Variants in NTNG1 observed in about 807,000 individuals in gnomAD.
NTNG1 encodes netrin-G1.
NTNG1 carries 16 observed loss-of-function variants against 54.0 expected under a neutral mutation model. The ratio of observed to expected loss-of-function variants is 0.30; its 90% CI spans 0.20 to 0.45. NTNG1 has a LOEUF of 0.45. NTNG1 is among the 20% of genes least tolerant of loss of function. NTNG1 has a pLI of 1.00. For missense variants in NTNG1, 530 were observed against 678.7 expected (o/e 0.78, Z 2.43); for synonymous variants, 255 against 263.1 (o/e 0.97, Z 0.30).
At chr1:107,207,353 G>A (rs1283245247) in intron 2 of NTNG1, among the ~76,000 whole-genome samples, 1 of 152,152 alleles carries the variant, frequency 6.6e-6, no homozygotes, top group Non-Finnish European at 1.5e-5. Flanking sequence ...ACTTTATGCA[G>A]TAGGTACACA....
At chr1:107,429,667 C>T (rs920952386) in intron 5 of NTNG1, among the ~76,000 whole-genome samples, 2 of 152,144 alleles carry the variant, frequency 1.3e-5, no homozygotes, top group Non-Finnish European at 2.9e-5. Context: ...AGTATCCTGG[C>T]TGACCTTCCT....
At chr1:107,169,198 A>G (rs1656035749) in intron 2 of NTNG1, among the ~76,000 whole-genome samples, 1 of 152,164 alleles carries the variant, frequency 6.6e-6, no homozygotes, top group Admixed American at 6.5e-5. Flanking sequence ...GCCACCTGGG[A>G]GAAGTCAAAC....
chr1:107,354,773 C>T (rs1168948201), intron 3 of NTNG1, among the ~76,000 whole-genome samples: 2 of 152,138 alleles, frequency 1.3e-5, no homozygotes, highest in African/African-American at 4.8e-5. Context: ...TGCACGCTTC[C>T]TCATCCGCTT....
At chr1:107,464,722 T>C (rs1677495398) in intron 7 of NTNG1, among the ~76,000 whole-genome samples, 1 of 152,184 alleles carries the variant, frequency 6.6e-6, no homozygotes, top group African/African-American at 2.4e-5. Context: ...CGAATGGTAA[T>C]GGGAGTGCAA....
chr1:107,401,418 T>C (rs1364567596), intron 4 of NTNG1, among the ~76,000 whole-genome samples: 1 of 152,182 alleles, frequency 6.6e-6, no homozygotes, highest in Non-Finnish European at 1.5e-5. Flanking sequence ...TGACCAGATA[T>C]GATTTGGAAT....
chr1:107,270,597 C>T (rs1047441262), intron 2 of NTNG1, among the ~76,000 whole-genome samples: 2 of 151,944 alleles, frequency 1.3e-5, no homozygotes, highest in Non-Finnish European at 2.9e-5. Flanking sequence ...AGCTGTTTAC[C>T]AGTAGTTCAT....
At chr1:107,431,167 T>G (rs1010458320) in intron 6 of NTNG1, among the ~76,000 whole-genome samples, 3 of 152,158 alleles carry the variant, frequency 2.0e-5, no homozygotes, top group Non-Finnish European at 4.4e-5. Context: ...TTAAAGAAAT[T>G]AAGAATTTTC....
rs1678721811 is a variant in NTNG1, at chr1:107,481,626, T to C, written c.*786T>C. On this transcript the variant is annotated 3_prime_UTR_variant, in exon 8 of 8. Coordinates refer to ENST00000370068, the MANE Select transcript of NTNG1 (RefSeq NM_001113226.3). ...TTTGTGTTACCAGACAATCTGTTAA[T>C]GTATCTAATTCGAATCAGCAAAGAC... is the stretch of plus-strand genomic sequence containing the variant. 2 of 152,670 alleles carry C rather than the reference T, an allele frequency of 1.3e-5. No individual in the cohort carries two copies. Among genetic ancestry groups the C allele is most frequent in the African/African-American group, 4.8e-5 (2 of 41,462 alleles). 9.5% of individuals were successfully genotyped at this position (152,670 alleles called of 1,614,324 possible).
intron 2 of NTNG1, among the ~76,000 whole-genome samples, chr1:107,192,154 A>T (rs1007514337): frequency 2.0e-5 from 3 of 152,082 alleles, no homozygotes; most frequent in Middle Eastern, 6.8e-3. Context: ...ATCCCTTGTA[A>T]GTTGGATTCC....
At position 107,243,338 on chromosome 1, in the gene NTNG1, C is replaced by T. The variant is rs116144133; in HGVS notation, c.247-80944C>T. ...AATTCCAAGGAATAACCTAAATGAA[C>T]ACGAATAGGGACTATTTAAATAAGT... is the stretch of plus-strand genomic sequence containing the variant. On this transcript the variant is annotated intron_variant, in intron 2 of 7. Transcript: ENST00000370068. Among the ~76,000 whole-genome samples, 489 of 152,200 alleles carry T rather than the reference C, an allele frequency of 3.2e-3. 2 individuals carry two copies. Among genetic ancestry groups the T allele is most frequent in the African/African-American group, 0.011 (459 of 41,536 alleles).
chr1:107,459,703 C>T lies in NTNG1; in HGVS notation c.1391-20908C>T, dbSNP rs570474173. Among the ~76,000 whole-genome samples, 4 of 152,148 alleles carry T rather than the reference C, an allele frequency of 2.6e-5. No individual in the cohort carries two copies. The South Asian group carries it at 6.2e-4, about 24-fold the overall frequency. Reference sequence around the variant, plus strand: ...ATTATGCATTGATGCTAGCAGGACACCAGCAGGAGAGAGTTTGTTAAAACA... The same window carrying T: ...ATTATGCATTGATGCTAGCAGGACATCAGCAGGAGAGAGTTTGTTAAAACA... On this transcript the variant is annotated intron_variant, in intron 7 of 7. Transcript: ENST00000370068.
At chr1:107,181,488 A>G (rs10785816) in intron 2 of NTNG1, among the ~76,000 whole-genome samples, 151,983 of 152,224 alleles carry the variant, frequency 1, 75,871 homozygotes, top group Non-Finnish European at 1. Context: ...TGGTTAACTT[A>G]TATGAAAGAG....
At chr1:107,453,448 T>C (rs1203922216) in intron 7 of NTNG1, among the ~76,000 whole-genome samples, 2 of 152,222 alleles carry the variant, frequency 1.3e-5, no homozygotes, top group Admixed American at 6.5e-5. Context: ...GGGGATCTTT[T>C]CTTTCCCTCA....
chr1:107,418,744 T>A (rs1388403448), intron 5 of NTNG1: 1 of 667,578 alleles, frequency 1.5e-6, no homozygotes, highest in Non-Finnish European at 2.6e-6. Context: ...TTATCATGAA[T>A]GCTATGTCTT....
At chr1:107,407,103 A>G (rs189897360) in intron 4 of NTNG1, among the ~76,000 whole-genome samples, 37 of 152,306 alleles carry the variant, frequency 2.4e-4, no homozygotes, top group African/African-American at 8.9e-4. Flanking sequence ...ATTCTGCTCA[A>G]TTGAGTTTCT....
At chr1:107,472,272 A>G (rs1362254038) in intron 7 of NTNG1, among the ~76,000 whole-genome samples, 2 of 152,208 alleles carry the variant, frequency 1.3e-5, no homozygotes, top group East Asian at 3.9e-4. Context: ...ATTACACAAG[A>G]CCATCCATCA....
At chr1:107,357,636 T>G (rs1670013659) in intron 3 of NTNG1, among the ~76,000 whole-genome samples, 1 of 152,212 alleles carries the variant, frequency 6.6e-6, no homozygotes, top group African/African-American at 2.4e-5. Flanking sequence ...GAGGACAGCT[T>G]GATTTTAAAA....
chr1:107,473,110 G>A (rs1209991313), intron 7 of NTNG1, among the ~76,000 whole-genome samples: 1 of 152,172 alleles, frequency 6.6e-6, no homozygotes, highest in Non-Finnish European at 1.5e-5. Context: ...GCTTGTTTCA[G>A]GTGGTAAAGG....
chr1:107,396,593 C>G (rs539923077), intron 4 of NTNG1, among the ~76,000 whole-genome samples: 1 of 152,076 alleles, frequency 6.6e-6, no homozygotes, highest in Non-Finnish European at 1.5e-5. Flanking sequence ...GACTCTGTGG[C>G]CTTTCCTCAA....
Sources: allele counts gnomAD v4.1 joint callset (sites outside exome capture counted in the v4.1 genomes callset), GRCh38; gene constraint gnomAD v4.1.1; transcripts MANE v1.5; gene names NCBI Gene and HGNC (gene_info 2026-07-23, HGNC 2026-07-21).